CLINT1: variants seen among roughly 807,000 people sequenced by gnomAD.
CLINT1 encodes the protein clathrin interactor 1, also known as clathrin interacting protein localized in the trans-Golgi region.
CLINT1 carries 15 observed loss-of-function variants against 70.4 expected under a neutral mutation model. The observed-to-expected ratio is 0.21, with a 90% CI of 0.14 to 0.33. The LOEUF is 0.33. Among genes scored for constraint, CLINT1 ranks in the 10% least tolerant of loss-of-function variants. The probability of loss-of-function intolerance (pLI) is 1.00; values close to 1 mark genes in which losing one functional copy is unlikely to be tolerated. For synonymous variants in CLINT1, 227 were observed against 254.7 expected (o/e 0.89, Z 1.04); for missense variants, 615 against 778.1 (o/e 0.79, Z 2.49).
chr5:157,821,729 T>C (rs1049332324), intron 1 of CLINT1, among the ~76,000 whole-genome samples: 6 of 152,220 alleles, frequency 3.9e-5, no homozygotes, highest in Non-Finnish European at 7.3e-5. Flanking sequence ...TTACAACTAC[T>C]GGGTAGTTCA....
In CLINT1 at chr5:157,805,902, C is replaced by G. The variant is rs1554099055; in HGVS notation, c.906G>C (p.Gln302His). 1.9e-5 allele frequency: 31 copies of G among 1,613,970 alleles called. No homozygotes were observed. Among genetic ancestry groups the G allele is most frequent in the Non-Finnish European group, 2.6e-5 (31 of 1,179,890 alleles). ...ACTGAGGTGTGTGGGTTGAAGCATT[C>G]TGATCTGGACTTGCTTTGTCCCCTG... The part of the protein sequence containing the change: ...HYTGDKASPD[Q>H]NASTHTPQSS... The change falls in exon 7 of 12, where the codon CAG (glutamine) becomes CAC (histidine). Residue 302 changes from glutamine to histidine, a missense_variant. Physicochemically the swap from Gln to His is conservative, Grantham distance 24 (BLOSUM62 0). Around this residue, in one of 2 missense-constraint regions of CLINT1, gnomAD observed 374 missense variants for 409.6 expected, o/e 0.91. Transcript: ENST00000411809.
chr5:157,804,520 A>AT (rs1373031548), intron 7 of CLINT1, among the ~76,000 whole-genome samples: 4 of 152,236 alleles, frequency 2.6e-5, no homozygotes, highest in Non-Finnish European at 4.4e-5. Context: ...ATATACTGTG[A>AT]TTCCAAAACA....
chr5:157,806,475 C>G, intron 6 of CLINT1, among the ~76,000 whole-genome samples: 1 of 150,284 alleles, frequency 6.7e-6, no homozygotes, highest in East Asian at 2.0e-4. Context: ...CCTGAGAGTT[C>G]AAACACTTGC....
At position 157,812,514 on chromosome 5, in the gene CLINT1, G is replaced by A. The variant is rs112977395; in HGVS notation, c.517+549C>T. Among the ~76,000 whole-genome samples, 99 of 152,258 alleles carry A rather than the reference G, an allele frequency of 6.5e-4. 1 individual carries two copies. The highest frequency in any genetic ancestry group is 2.2e-3 in the African/African-American group (92 of 41,554). On this transcript the variant is annotated intron_variant, in intron 5 of 11. Transcript: ENST00000411809. ...TAGCTGCTCTTAAGTGTACTGGGAAGAATAAACAAAACAATAGGCCTAGAT... is the reference window on the plus strand; with the variant it reads ...TAGCTGCTCTTAAGTGTACTGGGAAAAATAAACAAAACAATAGGCCTAGAT...
intron 1 of CLINT1, among the ~76,000 whole-genome samples, chr5:157,839,042 A>G (rs1166504807): frequency 6.6e-6 from 1 of 151,672 alleles, no homozygotes; most frequent in Non-Finnish European, 1.5e-5. Flanking sequence ...TTTCCTGGGC[A>G]ACATGGCAAA....
intron 1 of CLINT1, among the ~76,000 whole-genome samples, chr5:157,844,420 C>T (rs912691366): frequency 6.6e-6 from 1 of 152,210 alleles, no homozygotes; most frequent in Non-Finnish European, 1.5e-5. Context: ...CTTACAGAAC[C>T]GTAAGCTGCC....
Position 157,834,650 on chromosome 5 carries a change from T to C in CLINT1, c.42-17103A>G, listed in dbSNP as rs372954041. Among the ~76,000 whole-genome samples, 242 of 152,272 alleles carry C rather than the reference T, an allele frequency of 1.6e-3. 2 individuals carry two copies. The highest frequency in any genetic ancestry group is 5.4e-3 in the African/African-American group (226 of 41,556). On this transcript the variant is annotated intron_variant, in intron 1 of 11. Transcript: ENST00000411809. ...CTTAACAATATGCCCTTTACTTTCT[T>C]ATCTCAGTGACTCTATGTGCTTCCA...
chr5:157,851,421 GC>G (rs1753571262), intron 1 of CLINT1, among the ~76,000 whole-genome samples: 1 of 152,002 alleles, frequency 6.6e-6, no homozygotes, highest in Non-Finnish European at 1.5e-5. Flanking sequence ...AGGCACAGTG[GC>G]TCACACCTGC....
At chr5:157,817,363 A>T in intron 2 of CLINT1, 80 bp downstream of exon 2, 1 of 912,988 alleles carries the variant, frequency 1.1e-6, no homozygotes, top group Non-Finnish European at 1.7e-6. Flanking sequence ...CAAATAGTTT[A>T]AATCTGAAAG....
intron 1 of CLINT1, among the ~76,000 whole-genome samples, chr5:157,855,495 C>T (rs180805198): frequency 8.5e-4 from 130 of 152,234 alleles, no homozygotes; most frequent in Admixed American, 2.8e-3. Context: ...TGCAACTTGA[C>T]GAGTGGGAAG....
chr5:157,787,919 A>G lies in CLINT1; in HGVS notation c.1605T>C (p.Leu535=), dbSNP rs778377249. ...AVNLSSPSNM[L]PVRPQTNALI... ...AAGCATTAGTTTGGGGCCGGACAGG[A>G]AGCATGTTCGATGGAGAACTGAGGT... is the stretch of plus-strand genomic sequence containing the variant. Residue 535 remains leucine, a synonymous_variant, in exon 12 of 12, where the codon CTT becomes CTC. Transcript: ENST00000411809. The G allele has an allele frequency of 6.2e-7, 1 of 1,613,436 alleles. No individual in the cohort carries two copies. The highest frequency in any genetic ancestry group is 8.5e-7 in the Non-Finnish European group (1 of 1,179,628).
intron 6 of CLINT1, among the ~76,000 whole-genome samples, chr5:157,807,719 G>A (rs1266554083): frequency 6.6e-6 from 1 of 151,846 alleles, no homozygotes; most frequent in Non-Finnish European, 1.5e-5. Flanking sequence ...TGTCTTAGAG[G>A]CAACATAAAA....
intron 1 of CLINT1, among the ~76,000 whole-genome samples, chr5:157,828,802 A>C (rs1272910985): frequency 6.6e-6 from 1 of 151,850 alleles, no homozygotes. Context: ...ATAAAAACTA[A>C]AAAGGGCCGG....
intron 1 of CLINT1, among the ~76,000 whole-genome samples, chr5:157,826,542 T>C (rs557268850): frequency 2.0e-5 from 3 of 151,534 alleles, no homozygotes; most frequent in Middle Eastern, 3.4e-3. Context: ...ACAGAAATAA[T>C]TTGGTACCAC....
At position 157,816,721 on chromosome 5, in the gene CLINT1, CT is replaced by C. The variant is rs776939844; in HGVS notation, c.243+12del. ...CAACATGTCAAGTAATTAAAGCAGA[CT>C]TGTGTCCATACCTTATAAACTCTTC... is the stretch of plus-strand genomic sequence containing the variant. On this transcript the variant is annotated intron_variant, in intron 3 of 11. Transcript: ENST00000411809. The C allele has an allele frequency of 5.7e-6, 9 of 1,579,642 alleles. No individual in the cohort carries two copies. The highest frequency in any genetic ancestry group is 7.8e-6 in the Non-Finnish European group (9 of 1,152,574).
chr5:157,824,046 T>C (rs547414974), intron 1 of CLINT1, among the ~76,000 whole-genome samples: 2 of 152,344 alleles, frequency 1.3e-5, no homozygotes, highest in South Asian at 2.1e-4. Flanking sequence ...TCCACAAAAC[T>C]GATCCCTGGT....
At position 157,787,383 on chromosome 5, in the gene CLINT1, A is replaced by G; in HGVS notation, c.*263T>C. ...GTTAAATGGACTCTTCAGTTGATAA[A>G]GGCTTTCAATGGTCTCACCACCCAC... On this transcript the variant is annotated 3_prime_UTR_variant, in exon 12 of 12. Transcript: ENST00000411809. 1 of 476,602 alleles carries G rather than the reference A, an allele frequency of 2.1e-6. No individual in the cohort carries two copies. The highest frequency in any genetic ancestry group is 3.7e-6 in the Non-Finnish European group (1 of 267,780). 29.5% of individuals were successfully genotyped at this position (476,602 alleles called of 1,614,324 possible).
rs763583902 is a variant in CLINT1, at chr5:157,791,919, G to A, written c.1164C>T (p.Ser388=). The A allele has an allele frequency of 1.9e-6, 3 of 1,613,868 alleles. No individual in the cohort carries two copies. The African/African-American group carries it at 4.0e-5, about 22-fold the overall frequency. Residue 388 remains serine (S), a synonymous_variant, in exon 10 of 12, where the codon TCC becomes TCT. Transcript: ENST00000411809. ...AGGCACTGCCAAAGAACTCGCCACTGGAAGCAACAGGGCCTGATGGGGCTT... is the reference window on the plus strand; with the variant it reads ...AGGCACTGCCAAAGAACTCGCCACTAGAAGCAACAGGGCCTGATGGGGCTT... The part of the protein sequence containing the change: ...FNQAPSGPVA[S]SGEFFGSASQ...
At chr5:157,848,459 G>C (rs1331546103) in intron 1 of CLINT1, among the ~76,000 whole-genome samples, 1 of 151,754 alleles carries the variant, frequency 6.6e-6, no homozygotes, top group Non-Finnish European at 1.5e-5. Flanking sequence ...GGCTGGAGTG[G>C]GCAACTTAGC....
Sources: gnomAD v4.1 joint callset for allele counts (sites outside exome capture counted in the v4.1 genomes callset) on GRCh38, gnomAD v4.1.1 for gene constraint, gnomAD v4.1.1 regional missense constraint, MANE v1.5 for transcripts, NCBI Gene and HGNC (gene_info 2026-07-23, HGNC 2026-07-21) for gene names.